Variants in CGGBP1 observed in about 807,000 individuals in gnomAD.
CGGBP1 encodes the protein CGG triplet repeat binding protein 1.
A neutral mutation model predicts 11.4 loss-of-function variants in CGGBP1; 4 were observed. The observed-to-expected ratio is 0.35, with a 90% confidence interval of 0.17 to 0.80. The LOEUF is 0.80. Ranked by LOEUF, CGGBP1 falls within the 30% of genes least tolerant of loss-of-function variation. The pLI is 0.52. For synonymous variants in CGGBP1, 76 were observed against 74.1 expected, an observed-to-expected ratio of 1.03 and a Z score of -0.13; for missense variants, 135 against 202.1, an observed-to-expected ratio of 0.67 and a Z score of 2.01.
intron 2 of CGGBP1, among the ~76,000 whole-genome samples, chr3:88,074,336 A>G (rs1461712232): frequency 4.7e-5 from 6 of 127,316 alleles, no homozygotes; most frequent in Admixed American, 9.7e-5. Flanking sequence ...GGCTCTTTTT[A>G]TATCTTACTT....
At chr3:88,059,516 C>T (rs1390036637), upstream of CGGBP1, 1 of 1,462,894 alleles carries the variant, frequency 6.8e-7, no homozygotes, top group Non-Finnish European at 9.0e-7. Context: ...GTGAGGCGTC[C>T]GTTGGCCGCC....
rs1706449361 is a variant in CGGBP1 at position 88,052,433 on chromosome 3, A to C, written c.*3040T>G. 6.5e-6 allele frequency: 1 copy of C among 152,772 alleles called. No individual in the cohort carries two copies. The highest frequency in any genetic ancestry group is 6.5e-5 in the Admixed American group (1 of 15,310). 9.5% of individuals were successfully genotyped at this position (152,772 alleles called of 1,614,324 possible). A position where few individuals can be genotyped will look rare whatever the true frequency, so the allele number is the denominator to read the frequency against. On this transcript the variant is annotated 3_prime_UTR_variant, in exon 4 of 4. Transcript: ENST00000482016. ...CAAACCACAGAGAGCCCTTACAAAG[A>C]CTAAGCACCAAATGATGAACTGTTT...
chr3:88,066,372 G>A (rs896041044), intron 2 of CGGBP1, among the ~76,000 whole-genome samples: 19 of 152,142 alleles, frequency 1.2e-4, no homozygotes, highest in African/African-American at 4.6e-4. Flanking sequence ...TCAGGAGTTC[G>A]ATACCAGCCT....
intron 2 of CGGBP1, among the ~76,000 whole-genome samples, chr3:88,071,886 C>G (rs1707536204): frequency 6.6e-6 from 1 of 152,184 alleles, no homozygotes; most frequent in African/African-American, 2.4e-5. Context: ...TTTTTATCTT[C>G]TCTCTTATAT....
At chr3:88,060,641 T>C (rs1168300155), upstream of CGGBP1, among the ~76,000 whole-genome samples, 1 of 152,076 alleles carries the variant, frequency 6.6e-6, no homozygotes, top group Non-Finnish European at 1.5e-5. Flanking sequence ...CAAAGAGGAG[T>C]AATAGTTAAA....
intron 2 of CGGBP1, chr3:88,128,881 G>A (rs2107833269): frequency 5.9e-6 from 9 of 1,535,242 alleles, no homozygotes; most frequent in South Asian, 1.2e-5. Flanking sequence ...GCTTGTGAAC[G>A]CATACCCGAA....
At chr3:88,143,759 A>C (rs2107913388) in intron 1 of CGGBP1, 1 of 152,248 alleles carries the variant, frequency 6.6e-6, no homozygotes, top group Middle Eastern at 3.4e-3. Context: ...ACTGAGATCA[A>C]ACTGGTTTAT....
chr3:88,108,946 C>T (rs74983372), intron 2 of CGGBP1, among the ~76,000 whole-genome samples: 10,256 of 152,112 alleles, frequency 0.067, 476 homozygotes, highest in Non-Finnish European at 0.1. Flanking sequence ...ACACCTCAAA[C>T]CGCAAAATTT....
chr3:88,108,869 CAGTG>C (rs1576295728), intron 2 of CGGBP1, among the ~76,000 whole-genome samples: 1 of 151,978 alleles, frequency 6.6e-6, no homozygotes, highest in Non-Finnish European at 1.5e-5. Context: ...TAAAATCTCA[CAGTG>C]AGAACAAATT....
intron 2 of CGGBP1, among the ~76,000 whole-genome samples, chr3:88,087,048 C>G (rs913883852): frequency 6.6e-6 from 1 of 151,908 alleles, no homozygotes; most frequent in Non-Finnish European, 1.5e-5. Flanking sequence ...TCCCAAAGTG[C>G]TGGGATTACA....
chr3:88,116,252 G>T (rs910744621), intron 2 of CGGBP1, among the ~76,000 whole-genome samples: 1 of 152,066 alleles, frequency 6.6e-6, no homozygotes, highest in South Asian at 2.1e-4. Context: ...CAGGCATAGT[G>T]GTTCACCCCT....
At chr3:88,069,236 A>G (rs957949977) in intron 2 of CGGBP1, among the ~76,000 whole-genome samples, 1 of 152,198 alleles carries the variant, frequency 6.6e-6, no homozygotes, top group Non-Finnish European at 1.5e-5. Flanking sequence ...AGCCTGGCCA[A>G]CATGGTGAAA....
chr3:88,106,653 T>G (rs1203790501), intron 2 of CGGBP1, among the ~76,000 whole-genome samples: 18 of 152,180 alleles, frequency 1.2e-4, no homozygotes, highest in Admixed American at 1.2e-3. Context: ...CTTTTTTTCA[T>G]TTATCTTTTG....
intron 2 of CGGBP1, among the ~76,000 whole-genome samples, chr3:88,100,849 T>C (rs1338906554): frequency 6.6e-6 from 1 of 152,168 alleles, no homozygotes; most frequent in South Asian, 2.1e-4. Context: ...TCAGGAGATA[T>C]ACCTAATGTA....
intron 2 of CGGBP1, chr3:88,139,519 A>C (rs1352586776): frequency 6.2e-7 from 1 of 1,613,472 alleles, no homozygotes; most frequent in South Asian, 1.1e-5. Flanking sequence ...ACTGCTTTGG[A>C]AGAAATAAAT....
intron 2 of CGGBP1, chr3:88,139,619 C>G: frequency 6.2e-7 from 1 of 1,613,614 alleles, no homozygotes; most frequent in African/African-American, 1.3e-5. Flanking sequence ...GTGAAGGAAA[C>G]AAAGAAGTCA....
chr3:88,086,038 C>T (rs1212101451), intron 2 of CGGBP1, among the ~76,000 whole-genome samples: 2 of 152,080 alleles, frequency 1.3e-5, no homozygotes, highest in Admixed American at 1.3e-4. Flanking sequence ...ATAGTACAGA[C>T]ATTCATACAC....
chr3:88,139,552 T>G (rs1331310424), intron 2 of CGGBP1: 2 of 1,613,524 alleles, frequency 1.2e-6, no homozygotes, highest in Non-Finnish European at 1.7e-6. Flanking sequence ...TCCATTTCAT[T>G]TGAAAATGGG....
chr3:88,056,072 C>A lies in CGGBP1; in HGVS notation c.-23-73G>T, dbSNP rs1360152971. ...TCTGGAAGTAATGAACAATAAAAGG[C>A]AGTATATAAACACTTCAAATACTTC... On this transcript the variant is annotated intron_variant, in intron 3 of 3. Transcript: ENST00000482016. The A allele has an allele frequency of 3.4e-6, 4 of 1,176,376 alleles. No homozygotes were observed. The East Asian group carries it at 9.5e-5, about 28-fold the overall frequency. 72.9% of individuals were successfully genotyped at this position (1,176,376 alleles called of 1,614,324 possible).
Sources: gnomAD v4.1 joint callset for allele counts (sites outside exome capture counted in the v4.1 genomes callset) on GRCh38, gnomAD v4.1.1 for gene constraint, MANE v1.5 for transcripts, NCBI Gene and HGNC (gene_info 2026-07-23, HGNC 2026-07-21) for gene names.